The following DGKE variants were observed in gnomAD, a reference collection of about 807,000 sequenced individuals.
The protein encoded by DGKE is diacylglycerol kinase epsilon, also known as DAG kinase epsilon.
In DGKE, 53 loss-of-function variants were observed where a neutral mutation model predicts 70.0. The ratio of observed to expected loss-of-function variants is 0.76; its 90% CI spans 0.61 to 0.95. The LOEUF is 0.95. Ranked by LOEUF, DGKE falls within the 40% of genes least tolerant of loss-of-function variation. The pLI is 0.00. For missense variants in DGKE, 655 were observed against 706.9 expected (o/e 0.93, Z 0.83); for synonymous variants, 291 against 257.0 (o/e 1.13, Z -1.27).
chr17:56,856,546 C>G lies in DGKE; in HGVS notation c.1133C>G (p.Pro378Arg), dbSNP rs745306422. The change falls in exon 8 of 12, where the codon CCT becomes CGT. Residue 378 changes from proline to arginine, a missense_variant. Coordinates refer to ENST00000284061, the MANE Select transcript of DGKE (RefSeq NM_003647.3). ...ATGAACAACTATTTTTCTGTTGGACCTGATGCTCTCATGGCTCTCAATTTT... is the reference window on the plus strand; with the variant it reads ...ATGAACAACTATTTTTCTGTTGGACGTGATGCTCTCATGGCTCTCAATTTT... ...FTMNNYFSVG[P>R]DALMALNFHA... is the part of the protein sequence containing the mutation. The G allele has an allele frequency of 6.2e-7, 1 of 1,613,654 alleles. No individual in the cohort carries two copies. Among genetic ancestry groups the G allele is most frequent in the Non-Finnish European group, 8.5e-7 (1 of 1,179,854 alleles).
At chr17:56,859,296 G>GC (rs1337703215) in intron 9 of DGKE, among the ~76,000 whole-genome samples, 1 of 151,638 alleles carries the variant, frequency 6.6e-6, no homozygotes, top group Non-Finnish European at 1.5e-5. Context: ...CTGCATTCCA[G>GC]CCTGGGGGAC....
At position 56,864,492 on chromosome 17, in the gene DGKE, T is replaced by G. The variant is rs1908448815; in HGVS notation, c.*1701T>G. Reference sequence around the variant, plus strand: ...TCTTGCAGATCTCCTCAGGTGATCTTAAATTCTAGTCTTGAGAAACTTTGT... The same window carrying G: ...TCTTGCAGATCTCCTCAGGTGATCTGAAATTCTAGTCTTGAGAAACTTTGT... On this transcript the variant is annotated 3_prime_UTR_variant, in exon 12 of 12. Coordinates refer to ENST00000284061, the MANE Select transcript of DGKE (RefSeq NM_003647.3). 6.6e-6 allele frequency: 1 copy of G among 152,204 alleles called. No individual in the cohort carries two copies. The highest frequency in any genetic ancestry group is 2.4e-5 in the African/African-American group (1 of 41,438). The allele number at this position is 152,204 out of a possible 1,614,324, so 9.4% of individuals were successfully genotyped here.
In DGKE at chr17:56,845,745, G is replaced by T. The variant is rs757585573; in HGVS notation, c.680G>T (p.Arg227Leu). 2.5e-6 allele frequency: 4 copies of T among 1,612,744 alleles called. No individual in the cohort carries two copies. The highest frequency in any genetic ancestry group is 3.4e-6 in the Non-Finnish European group (4 of 1,179,272). Residue 227 changes from arginine (R) to leucine (L), a missense_variant, in exon 4 of 12, where the codon CGT (arginine) becomes CTT (leucine). Coordinates refer to ENST00000284061, the MANE Select transcript of DGKE (RefSeq NM_003647.3). ...CCATTAATAATCCTGGCCAACTCTC[G>T]TAGTGGAACTAATATGGGAGAAGGA... ...WTPLIILANSRSGTNMGEGLL... is the reference protein window; with the variant it reads ...WTPLIILANSLSGTNMGEGLL...
At chr17:56,846,929 T>A (rs1262242921) in intron 4 of DGKE, among the ~76,000 whole-genome samples, 1 of 152,166 alleles carries the variant, frequency 6.6e-6, no homozygotes, top group African/African-American at 2.4e-5. Context: ...GTATAAATAT[T>A]TTTCCTTGTT....
At chr17:56,844,575 C>A (rs1184109968) in intron 3 of DGKE, among the ~76,000 whole-genome samples, 3 of 151,886 alleles carry the variant, frequency 2.0e-5, no homozygotes, top group Admixed American at 2.0e-4. Flanking sequence ...TTTTAAGGTC[C>A]TCAGAAGATT....
At chr17:56,851,942 C>T (rs1468353702) in intron 7 of DGKE, among the ~76,000 whole-genome samples, 1 of 152,170 alleles carries the variant, frequency 6.6e-6, no homozygotes, top group African/African-American at 2.4e-5. Flanking sequence ...GGGGCACACA[C>T]CTGTAGTTCC....
At chr17:56,838,174 C>T (rs536409712) in intron 2 of DGKE, among the ~76,000 whole-genome samples, 1 of 152,344 alleles carries the variant, frequency 6.6e-6, no homozygotes, top group South Asian at 2.1e-4. Flanking sequence ...ACGCCTCACA[C>T]ACAATTACTG....
At chr17:56,848,893 T>C (rs747382112) in intron 6 of DGKE, 40 bp downstream of exon 6, 1 of 1,612,912 alleles carries the variant, frequency 6.2e-7, no homozygotes, top group South Asian at 1.1e-5. Context: ...TCTTGAGATT[T>C]AGCCATAATT....
rs769591760 is a variant in DGKE at position 56,858,595 on chromosome 17, C to T, written c.1214C>T (p.Ala405Val). Residue 405 changes from alanine (A) to valine (V), a missense_variant and splice_region_variant, in exon 9 of 12, where the codon GCG (alanine) becomes GTG (valine). Transcript: ENST00000284061. ...SLFSSRILNK[A>V]VYLFYGTKDC... ...ATATTTTCTGTCCATTTTTCATAGG[C>T]GGTTTACTTATTCTATGGAACCAAA... 8 of 1,597,230 alleles carry T rather than the reference C, an allele frequency of 5.0e-6. No individual in the cohort carries two copies. The highest frequency in any genetic ancestry group is 3.4e-5 in the South Asian group (3 of 87,564).
chr17:56,847,808 A>G (rs1907387110), intron 4 of DGKE, 114 bp from the exon 5 acceptor site: 5 of 666,938 alleles, frequency 7.5e-6, no homozygotes, highest in Non-Finnish European at 1.1e-5. Context: ...TGTTAAATAC[A>G]TAGTAGCCAG....
rs1027342110 is a variant in DGKE, at chr17:56,856,606, C to T, written c.1193C>T (p.Ser398Phe). 1.2e-6 allele frequency: 2 copies of T among 1,613,602 alleles called. No homozygotes were observed. Among genetic ancestry groups the T allele is most frequent in the African/African-American group, 2.7e-5 (2 of 75,032 alleles). ...AHREKAPSLF[S>F]SRILNKAVYL... ...CGTGAGAAGGCACCATCTCTGTTTTCTAGCAGAATTCTTAATAAGGTGTGT... is the reference window on the plus strand; with the variant it reads ...CGTGAGAAGGCACCATCTCTGTTTTTTAGCAGAATTCTTAATAAGGTGTGT... Residue 398 changes from serine (S) to phenylalanine (F), a missense_variant, in exon 8 of 12, where the codon TCT (serine) becomes TTT (phenylalanine). Physicochemically the swap from Ser to Phe is radical, Grantham distance 155 (BLOSUM62 -2). Transcript: ENST00000284061.
chr17:56,835,690 C>T (rs187419139), intron 2 of DGKE: 1 of 227,852 alleles, frequency 4.4e-6, no homozygotes, highest in Admixed American at 5.6e-5. Context: ...GCAGTGAAAA[C>T]AAGTGTCATT....
intron 8 of DGKE, among the ~76,000 whole-genome samples, chr17:56,856,836 G>C (rs539902055): frequency 1.3e-5 from 2 of 151,880 alleles, no homozygotes; most frequent in Non-Finnish European, 2.9e-5. Context: ...AGTGGCTCAT[G>C]CCTGTAATCC....
intron 2 of DGKE, among the ~76,000 whole-genome samples, chr17:56,843,326 CTTA>C (rs925298701): frequency 3.3e-5 from 5 of 152,288 alleles, no homozygotes; most frequent in East Asian, 1.9e-4. Context: ...ATTTCTTTCA[CTTA>C]TTATTCAGCT....
chr17:56,840,709 A>G (rs1023128385), intron 2 of DGKE, among the ~76,000 whole-genome samples: 1 of 152,194 alleles, frequency 6.6e-6, no homozygotes, highest in African/African-American at 2.4e-5. Flanking sequence ...CGACACTTCC[A>G]TGAGATTCTG....
At position 56,848,073 on chromosome 17, in the gene DGKE, T is replaced by C. The variant is rs749787776; in HGVS notation, c.888+8T>C. ...GATGACATGAAGATTAAGGTATTAG[T>C]CTTTAAGAACTACTACAGAAGGACT... On this transcript the variant is annotated splice_region_variant and intron_variant, in intron 5 of 11. Transcript: ENST00000284061. The C allele has an allele frequency of 6.6e-7, 1 of 1,510,904 alleles. No homozygotes were observed. The highest frequency in any genetic ancestry group is 1.4e-5 in the South Asian group (1 of 71,356). The allele number at this position is 1,510,904 out of a possible 1,614,324, so 93.6% of individuals were successfully genotyped here.
At chr17:56,855,142 G>A (rs1196256569) in intron 7 of DGKE, among the ~76,000 whole-genome samples, 1 of 151,090 alleles carries the variant, frequency 6.6e-6, no homozygotes, top group Admixed American at 6.6e-5. Flanking sequence ...AAAAAATAAA[G>A]GCAAATTAAT....
chr17:56,850,900 C>T (rs1304308637), intron 7 of DGKE, among the ~76,000 whole-genome samples: 5 of 152,138 alleles, frequency 3.3e-5, no homozygotes, highest in African/African-American at 1.2e-4. Flanking sequence ...TGGGAGAGAA[C>T]AGGGTGCAGG....
chr17:56,834,470 A>G (rs1036951345), intron 1 of DGKE, among the ~76,000 whole-genome samples: 1 of 152,136 alleles, frequency 6.6e-6, no homozygotes, highest in African/African-American at 2.4e-5. Flanking sequence ...TTGCCCCTGT[A>G]TGTTGCGCCC....
Sources: allele counts gnomAD v4.1 joint callset (sites outside exome capture counted in the v4.1 genomes callset), GRCh38; gene constraint gnomAD v4.1.1; transcripts MANE v1.5; gene names NCBI Gene and HGNC (gene_info 2026-07-23, HGNC 2026-07-21).